The following CACUL1 variants were observed in gnomAD, a reference collection of about 807,000 sequenced individuals.
CACUL1 encodes CDK2 associated cullin domain 1, also known as CDK2-associated and cullin domain-containing protein 1.
Under a neutral mutation model 45.2 loss-of-function variants are expected in CACUL1, and 13 were observed. That is an observed-to-expected ratio of 0.29 (90% CI 0.19 to 0.46). The LOEUF is 0.46. Ranked by LOEUF, CACUL1 falls within the 20% of genes least tolerant of loss-of-function variation. The pLI is 1.00. For missense variants in CACUL1, 421 were observed against 471.4 expected (o/e 0.89, Z 0.99); for synonymous variants, 197 against 174.2 (o/e 1.13, Z -1.03).
At chr10:118,738,892 T>TAAAAAAAAAAAAAAAAAAAA (rs150393133) in intron 1 of CACUL1, among the ~76,000 whole-genome samples, 1 of 62,258 alleles carries the variant, frequency 1.6e-5, no homozygotes, top group African/African-American at 6.2e-5. Context: ...CAAGTGCTCT[T>TAAAAAAAAAAAAAAAAAAAA]AAAAAAAAAA....
intron 3 of CACUL1, 72 bp downstream of exon 3, chr10:118,729,223 G>C: frequency 2.2e-6 from 2 of 897,088 alleles, no homozygotes; most frequent in Non-Finnish European, 3.7e-6. Flanking sequence ...TTCCAAATGT[G>C]TATTAGAAAA....
Position 118,677,515 on chromosome 10 carries a change from T to C in CACUL1, c.*8613A>G, listed in dbSNP as rs1845109912. The C allele has an allele frequency of 6.6e-6, 1 of 152,200 alleles. No homozygotes were observed. Among genetic ancestry groups the C allele is most frequent in the Non-Finnish European group, 1.5e-5 (1 of 68,032 alleles). 9.4% of individuals were successfully genotyped at this position (152,200 alleles called of 1,614,324 possible). On this transcript the variant is annotated 3_prime_UTR_variant, in exon 9 of 9. Transcript: ENST00000369151. ...CCACCACCCTCTCCTGAGGAAACTA[T>C]GTTCCTGAATGTTAATAACTGTCTT...
chr10:118,695,632 A>G (rs952692691), intron 5 of CACUL1, among the ~76,000 whole-genome samples: 1 of 152,236 alleles, frequency 6.6e-6, no homozygotes, highest in African/African-American at 2.4e-5. Context: ...TTATTTGGTA[A>G]CTGTGATCAG....
intron 6 of CACUL1, chr10:118,693,786 C>T (rs1263494617): frequency 2.2e-6 from 1 of 454,030 alleles, no homozygotes; most frequent in African/African-American, 2.0e-5. Flanking sequence ...TGGACATATG[C>T]AATAAAATCT....
intron 3 of CACUL1, among the ~76,000 whole-genome samples, chr10:118,709,484 C>T (rs1411396992): frequency 6.6e-6 from 1 of 152,212 alleles, no homozygotes; most frequent in Non-Finnish European, 1.5e-5. Flanking sequence ...ATGATAGATC[C>T]AGGTCTTCCA....
chr10:118,754,200 A>G (rs1845928921), intron 1 of CACUL1, among the ~76,000 whole-genome samples, 196 bp downstream of exon 1: 1 of 151,972 alleles, frequency 6.6e-6, no homozygotes. Context: ...AGGGCCGCTC[A>G]GGCGCTGGCC....
At chr10:118,729,494 C>G in intron 2 of CACUL1, 97 bp from the exon 3 acceptor site, 1 of 790,786 alleles carries the variant, frequency 1.3e-6, no homozygotes, top group African/African-American at 1.7e-5. Flanking sequence ...AACCACTGAT[C>G]CAATAATTCA....
In CACUL1 at chr10:118,685,842, A is replaced by G; in HGVS notation, c.*286T>C. 1 of 263,834 alleles carries G rather than the reference A, an allele frequency of 3.8e-6. No homozygotes were observed. Among genetic ancestry groups the G allele is most frequent in the Non-Finnish European group, 7.1e-6 (1 of 141,164 alleles). The allele number at this position is 263,834 out of a possible 1,614,324, so 16.3% of individuals were successfully genotyped here. On this transcript the variant is annotated 3_prime_UTR_variant, in exon 9 of 9. Coordinates refer to ENST00000369151, the MANE Select transcript of CACUL1 (RefSeq NM_153810.5). The stretch of plus-strand genomic sequence containing the variant: ...TGATTTTGGCTGTCAGATTTCACTT[A>G]GAAATGGTCACTTTCTGAGATGCTT...
chr10:118,691,393 C>A lies in CACUL1; in HGVS notation c.897G>T (p.Gln299His). The A allele has an allele frequency of 6.2e-7, 1 of 1,612,220 alleles. No individual in the cohort carries two copies. The highest frequency in any genetic ancestry group is 2.2e-5 in the East Asian group (1 of 44,858). The change falls in exon 7 of 9, where the codon CAG (glutamine) becomes CAT (histidine). Residue 299 changes from glutamine (Q) to histidine (H), a missense_variant. Physicochemically the swap from Gln to His is conservative, Grantham distance 24. This residue lies in a region of CACUL1 where 208 missense variants were observed against 298.4 expected (regional missense o/e 0.70). Coordinates refer to ENST00000369151, the MANE Select transcript of CACUL1 (RefSeq NM_153810.5). ...ATTTAGAAAATAGAGTTGGAGCCAT[C>A]TGAACCCACTCTGTGAGGAAAGGAA... ...GLYTLRPEWV[Q>H]MAPTLFSKFI... is the part of the protein sequence containing the mutation.
chr10:118,702,058 C>T (rs923906367), intron 4 of CACUL1, among the ~76,000 whole-genome samples: 2 of 152,092 alleles, frequency 1.3e-5, no homozygotes, highest in African/African-American at 2.4e-5. Flanking sequence ...TGAAAATGGC[C>T]GGTTTCTGCC....
chr10:118,722,640 G>A (rs1284332223), intron 3 of CACUL1, among the ~76,000 whole-genome samples: 1 of 152,204 alleles, frequency 6.6e-6, no homozygotes, highest in Non-Finnish European at 1.5e-5. Context: ...GAGCAAGAGA[G>A]ATGATGTTGG....
At chr10:118,710,074 G>A (rs1481118940) in intron 3 of CACUL1, among the ~76,000 whole-genome samples, 1 of 147,736 alleles carries the variant, frequency 6.8e-6, no homozygotes. Flanking sequence ...CACTAGGCCT[G>A]CCTAATTTGT....
intron 3 of CACUL1, among the ~76,000 whole-genome samples, chr10:118,725,313 C>T (rs999146361): frequency 6.6e-5 from 10 of 152,032 alleles, no homozygotes; most frequent in African/African-American, 2.4e-4. Flanking sequence ...ACAAGAAATA[C>T]AAAAATTAGC....
At chr10:118,686,192 A>C in intron 8 of CACUL1, 24 bp from the exon 9 acceptor site, 1 of 1,601,496 alleles carries the variant, frequency 6.2e-7, no homozygotes, top group Non-Finnish European at 8.6e-7. Context: ...AGAATAGGAA[A>C]AAGTATGAAG....
intron 3 of CACUL1, among the ~76,000 whole-genome samples, chr10:118,713,206 C>T (rs1169228183): frequency 6.6e-6 from 1 of 152,240 alleles, no homozygotes; most frequent in East Asian, 1.9e-4. Context: ...AGCACCTGGG[C>T]TCGCCCCCAA....
chr10:118,708,096 C>T (rs1477828691), intron 3 of CACUL1, among the ~76,000 whole-genome samples: 5 of 136,782 alleles, frequency 3.7e-5, no homozygotes, highest in African/African-American at 5.6e-5. Flanking sequence ...TGCAGTGAGC[C>T]GAGATCATAC....
intron 4 of CACUL1, among the ~76,000 whole-genome samples, 169 bp downstream of exon 4, chr10:118,707,323 T>C (rs1439536234): frequency 6.6e-6 from 1 of 152,176 alleles, no homozygotes; most frequent in African/African-American, 2.4e-5. Context: ...GGGAAATAAT[T>C]AAAGTTCTTC....
intron 1 of CACUL1, among the ~76,000 whole-genome samples, chr10:118,753,149 G>C (rs990289263): frequency 2.6e-5 from 4 of 152,154 alleles, no homozygotes; most frequent in African/African-American, 9.7e-5. Context: ...TCTACAGGAG[G>C]TCTGGTTCCA....
rs777492509 is a variant in CACUL1, at chr10:118,691,288, T to A, written c.1002A>T (p.Glu334Asp). 30 of 1,613,518 alleles carry A rather than the reference T, an allele frequency of 1.9e-5. No homozygotes were observed. In the South Asian group the frequency reaches 1.9e-4, roughly 10 times the overall value. ...GCCTTGTAAAACCATTCTGTATAAG[T>A]TCTCTTTGAAATTTCTGATCTTGAG... The part of the protein sequence containing the change: ...YAAQDQKFQR[E>D]LIQNGFTRGD... Residue 334 changes from glutamate (E) to aspartate (D), a missense_variant, in exon 7 of 9, where the codon GAA (glutamate) becomes GAT (aspartate). Transcript: ENST00000369151.
Sources: allele counts gnomAD v4.1 joint callset (sites outside exome capture counted in the v4.1 genomes callset), GRCh38; gene constraint gnomAD v4.1.1; regional missense constraint gnomAD v4.1.1; transcripts MANE v1.5; gene names NCBI Gene and HGNC (gene_info 2026-07-23, HGNC 2026-07-21).